LRFN2: variants seen among roughly 807,000 people sequenced by gnomAD.
LRFN2 encodes the protein leucine-rich repeat and fibronectin type-III domain-containing protein 2.
In LRFN2, 18 loss-of-function variants were observed where a neutral mutation model predicts 37.3. That is an observed-to-expected ratio of 0.48 (90% CI 0.33 to 0.72). The LOEUF (loss-of-function observed/expected upper bound fraction) is 0.72. Ranked by LOEUF, LRFN2 falls within the 30% of genes least tolerant of loss-of-function variation. The pLI is 0.02. For missense variants in LRFN2, 1,006 were observed against 1,060.7 expected, an observed-to-expected ratio of 0.95 and a Z score of 0.72; for synonymous variants, 556 against 466.6, an observed-to-expected ratio of 1.19 and a Z score of -2.47.
intron 2 of LRFN2, among the ~76,000 whole-genome samples, chr6:40,417,757 T>TC (rs1763128740): frequency 6.6e-6 from 1 of 152,130 alleles, no homozygotes; most frequent in Non-Finnish European, 1.5e-5. Flanking sequence ...GCTGCTTTGT[T>TC]CCCTACCTAA....
intron 2 of LRFN2, among the ~76,000 whole-genome samples, chr6:40,426,397 A>G (rs914035638): frequency 5.9e-5 from 9 of 152,116 alleles, no homozygotes; most frequent in Admixed American, 2.6e-4. Flanking sequence ...GGCAGCTTTG[A>G]TCTTTATTTC....
intron 1 of LRFN2, among the ~76,000 whole-genome samples, chr6:40,447,624 C>G (rs6921335): frequency 0.014 from 2,151 of 152,328 alleles, 46 homozygotes; most frequent in African/African-American, 0.047. Context: ...TCATCATCAT[C>G]ATGAAATGGT....
chr6:40,443,446 G>A (rs1438824745), intron 1 of LRFN2, among the ~76,000 whole-genome samples: 2 of 152,172 alleles, frequency 1.3e-5, no homozygotes, highest in Non-Finnish European at 2.9e-5. Flanking sequence ...GATGAGATAC[G>A]GATCAGGACT....
chr6:40,496,445 C>T (rs550315991), intron 1 of LRFN2, among the ~76,000 whole-genome samples: 64 of 152,076 alleles, frequency 4.2e-4, no homozygotes, highest in African/African-American at 1.4e-3. Flanking sequence ...GTGATTCGGT[C>T]TCTGCCTATT....
intron 1 of LRFN2, among the ~76,000 whole-genome samples, chr6:40,561,369 T>C (rs1363647699): frequency 6.6e-6 from 1 of 152,136 alleles, no homozygotes; most frequent in Non-Finnish European, 1.5e-5. Flanking sequence ...ATGGAGAAAC[T>C]GAAGTCTCCA....
chr6:40,561,763 G>A (rs149365338), intron 1 of LRFN2, among the ~76,000 whole-genome samples: 184 of 152,300 alleles, frequency 1.2e-3, no homozygotes, highest in African/African-American at 4.3e-3. Flanking sequence ...TCCCTGGTGG[G>A]AGAGTCAGGA....
intron 1 of LRFN2, among the ~76,000 whole-genome samples, chr6:40,538,944 T>G (rs1278920767): frequency 2.0e-5 from 3 of 152,234 alleles, no homozygotes; most frequent in Non-Finnish European, 2.9e-5. Context: ...CCCTCTTGAA[T>G]GTTGCACCCC....
At chr6:40,429,036 T>A (rs1308169066) in intron 2 of LRFN2, among the ~76,000 whole-genome samples, 1 of 152,242 alleles carries the variant, frequency 6.6e-6, no homozygotes, top group African/African-American at 2.4e-5. Context: ...TTTACTACTA[T>A]GTGCTCCCAC....
At chr6:40,585,525 G>C (rs1221459175) in intron 1 of LRFN2, among the ~76,000 whole-genome samples, 2 of 152,116 alleles carry the variant, frequency 1.3e-5, no homozygotes, top group African/African-American at 4.8e-5. Context: ...TCAGGGCTCT[G>C]CTGTGTGTGG....
At chr6:40,468,964 A>G (rs191072397) in intron 1 of LRFN2, among the ~76,000 whole-genome samples, 5 of 152,308 alleles carry the variant, frequency 3.3e-5, no homozygotes, top group Non-Finnish European at 7.4e-5. Flanking sequence ...GCCCCCCAAA[A>G]GGTATATCCA....
chr6:40,464,915 A>G (rs1764425192), intron 1 of LRFN2, among the ~76,000 whole-genome samples: 1 of 152,196 alleles, frequency 6.6e-6, no homozygotes, highest in African/African-American at 2.4e-5. Flanking sequence ...ATAGATGTCC[A>G]CATCTTCATC....
chr6:40,441,197 T>C (rs993335407), intron 1 of LRFN2, among the ~76,000 whole-genome samples: 4 of 152,156 alleles, frequency 2.6e-5, no homozygotes, highest in Admixed American at 2.6e-4. Context: ...TGTGCGGCAC[T>C]CGCCGTCTGT....
At chr6:40,456,342 C>T (rs1764234457) in intron 1 of LRFN2, among the ~76,000 whole-genome samples, 1 of 152,200 alleles carries the variant, frequency 6.6e-6, no homozygotes, top group Admixed American at 6.5e-5. Flanking sequence ...CAGATAACTG[C>T]TTAGAAAGCC....
chr6:40,496,162 C>T (rs1234732915), intron 1 of LRFN2, among the ~76,000 whole-genome samples: 1 of 152,182 alleles, frequency 6.6e-6, no homozygotes, highest in African/African-American at 2.4e-5. Context: ...TTTGGCTCTA[C>T]CTCCAAAATG....
chr6:40,413,653 G>C (rs139866964), intron 2 of LRFN2, among the ~76,000 whole-genome samples: 4 of 152,122 alleles, frequency 2.6e-5, no homozygotes, highest in South Asian at 2.1e-4. Context: ...GGGGTGGAAG[G>C]CATGCATCAG....
intron 1 of LRFN2, among the ~76,000 whole-genome samples, chr6:40,545,613 T>G (rs1766646816): frequency 6.7e-6 from 1 of 150,008 alleles, no homozygotes; most frequent in Non-Finnish European, 1.5e-5. Context: ...AGAGGGGAGG[T>G]CAGGAAGGTT....
chr6:40,531,203 G>A (rs1766335394), intron 1 of LRFN2, among the ~76,000 whole-genome samples: 1 of 152,138 alleles, frequency 6.6e-6, no homozygotes, highest in Non-Finnish European at 1.5e-5. Flanking sequence ...TACATAAATG[G>A]AATCCTACAA....
At chr6:40,568,009 C>T (rs981968111) in intron 1 of LRFN2, among the ~76,000 whole-genome samples, 2 of 152,196 alleles carry the variant, frequency 1.3e-5, no homozygotes, top group Admixed American at 1.3e-4. Context: ...CAATTTACCC[C>T]CAAAACGTAC....
chr6:40,534,800 G>C (rs1046737296), intron 1 of LRFN2, among the ~76,000 whole-genome samples: 13 of 152,136 alleles, frequency 8.5e-5, no homozygotes, highest in African/African-American at 2.9e-4. Flanking sequence ...TAGAACAGGG[G>C]ACCTCTTGGC....
Sources: allele counts gnomAD v4.1 joint callset (sites outside exome capture counted in the v4.1 genomes callset), GRCh38; gene constraint gnomAD v4.1.1; transcripts MANE v1.5; gene names NCBI Gene and HGNC (gene_info 2026-07-23, HGNC 2026-07-21).